The following BACE2 variants were observed in gnomAD, a reference collection of about 807,000 sequenced individuals.
BACE2 encodes the protein beta-secretase 2.
In BACE2, 17 loss-of-function variants were observed where a neutral mutation model predicts 46.2. The ratio of observed to expected loss-of-function variants is 0.37; its 90% CI spans 0.25 to 0.55. The LOEUF (loss-of-function observed/expected upper bound fraction) is 0.55, where lower values mean the gene tolerates loss of function less well. Ranked by LOEUF, BACE2 falls within the 20% of genes least tolerant of loss-of-function variation. The pLI, the probability that BACE2 is intolerant of heterozygous loss-of-function variation, is 0.82. For missense variants in BACE2, 595 were observed against 698.1 expected (o/e 0.85, Z 1.66); for synonymous variants, 277 against 295.9 (o/e 0.94, Z 0.66).
At chr21:41,220,829 G>A (rs990096725) in intron 1 of BACE2, among the ~76,000 whole-genome samples, 18 of 151,626 alleles carry the variant, frequency 1.2e-4, no homozygotes, top group African/African-American at 4.1e-4. Context: ...TTTGTAAATC[G>A]AAATTAAGAA....
chr21:41,241,135 C>T (rs984550125), intron 3 of BACE2, among the ~76,000 whole-genome samples: 10 of 152,284 alleles, frequency 6.6e-5, no homozygotes, highest in African/African-American at 2.4e-4. Flanking sequence ...TTCCCGCTTC[C>T]CTTTGAGTCT....
intron 5 of BACE2, among the ~76,000 whole-genome samples, chr21:41,245,005 A>G (rs1291174420): frequency 6.6e-6 from 1 of 152,038 alleles, no homozygotes; most frequent in Non-Finnish European, 1.5e-5. Context: ...AAGAACAAAC[A>G]ACAAATCCCA....
chr21:41,175,170 A>G (rs1336116327), intron 1 of BACE2: 1 of 152,206 alleles, frequency 6.6e-6, no homozygotes, highest in East Asian at 1.9e-4. Context: ...AACCACATAA[A>G]GGAAATGAAA....
In BACE2 at chr21:41,240,558, C is replaced by T. The variant is rs554469249; in HGVS notation, c.619-1261C>T. 2.6e-5 allele frequency among the ~76,000 whole-genome samples: 4 copies of T among 152,346 alleles called. No individual in the cohort carries two copies. The South Asian group carries it at 6.2e-4, about 24-fold the overall frequency. On this transcript the variant is annotated intron_variant, in intron 3 of 8. Coordinates refer to ENST00000330333, the MANE Select transcript of BACE2 (RefSeq NM_012105.5). ...GGGAAGGAAGCAAAGGAACAAGTCA[C>T]TCGGCTGGCAAGTGGCAGAGCCTGT... is the stretch of plus-strand genomic sequence containing the variant.
At chr21:41,234,927 A>G (rs1987072295) in intron 2 of BACE2, among the ~76,000 whole-genome samples, 1 of 152,172 alleles carries the variant, frequency 6.6e-6, no homozygotes, top group Non-Finnish European at 1.5e-5. Context: ...CACAGAAAAC[A>G]TTCACTGAAT....
chr21:41,268,038 A>G (rs2088397031), intron 8 of BACE2, among the ~76,000 whole-genome samples: 1 of 152,208 alleles, frequency 6.6e-6, no homozygotes, highest in African/African-American at 2.4e-5. Context: ...AAAATACACA[A>G]TTAAAATTGT....
chr21:41,199,135 C>A (rs1309160218), intron 1 of BACE2, among the ~76,000 whole-genome samples: 2 of 149,712 alleles, frequency 1.3e-5, no homozygotes, highest in African/African-American at 2.5e-5. Context: ...GGTTTTCTGT[C>A]CTTGCGACAG....
At chr21:41,200,230 G>A (rs1335269713) in intron 1 of BACE2, among the ~76,000 whole-genome samples, 1 of 151,736 alleles carries the variant, frequency 6.6e-6, no homozygotes, top group Non-Finnish European at 1.5e-5. Context: ...CCTCTTCTTG[G>A]GAGCTCTGGA....
chr21:41,174,774 C>G (rs778188856), intron 1 of BACE2, among the ~76,000 whole-genome samples: 4 of 152,174 alleles, frequency 2.6e-5, no homozygotes, highest in Non-Finnish European at 5.9e-5. Context: ...CTGTGAGCCT[C>G]TGCCTGTCCT....
chr21:41,263,213 C>A (rs1011426694), intron 8 of BACE2, among the ~76,000 whole-genome samples: 1 of 152,088 alleles, frequency 6.6e-6, no homozygotes, highest in African/African-American at 2.4e-5. Flanking sequence ...TAAACATATG[C>A]CTACTCTATA....
At chr21:41,254,007 C>G (rs1206715434) in intron 7 of BACE2, among the ~76,000 whole-genome samples, 2 of 152,172 alleles carry the variant, frequency 1.3e-5, no homozygotes, top group African/African-American at 2.4e-5. Flanking sequence ...AGCAGAAAGG[C>G]TCTGCCCAGC....
chr21:41,248,262 G>C (rs1987530939), intron 6 of BACE2, among the ~76,000 whole-genome samples: 1 of 152,224 alleles, frequency 6.6e-6, no homozygotes, highest in South Asian at 2.1e-4. Context: ...TGTGATCTGA[G>C]GGTCGAAACT....
In BACE2 at chr21:41,250,749, T is replaced by C. The variant is rs377326215; in HGVS notation, c.985-3T>C. ...GTTTCTGATGTGATCTTGTTTTGTC[T>C]AGATTCCAGAATTCTCTGATGGTTT... On this transcript the variant is annotated splice_region_variant and splice_polypyrimidine_tract_variant and intron_variant, in intron 6 of 8. Transcript: ENST00000330333. The C allele has an allele frequency of 1.9e-5, 31 of 1,614,006 alleles. No homozygotes were observed. The African/African-American group carries it at 3.9e-4, about 20-fold the overall frequency.
chr21:41,179,535 G>A (rs1238784473), intron 1 of BACE2: 2 of 1,359,974 alleles, frequency 1.5e-6, no homozygotes, highest in South Asian at 1.1e-5. Context: ...AGGGTGAGGA[G>A]TGAGGGTGTC....
At chr21:41,232,020 CTTTTTTT>C (rs34868132) in intron 2 of BACE2, among the ~76,000 whole-genome samples, 1 of 140,640 alleles carries the variant, frequency 7.1e-6, no homozygotes. Flanking sequence ...TGAGAATTAC[CTTTTTTT>C]TTTTTTTTTT....
intron 6 of BACE2, among the ~76,000 whole-genome samples, chr21:41,249,180 T>G (rs2065323): frequency 0.025 from 2,255 of 91,014 alleles, 110 homozygotes; most frequent in African/African-American, 0.05. Flanking sequence ...TTGGCCTCAG[T>G]GGACTCAGGA....
intron 4 of BACE2, 51 bp downstream of exon 4, chr21:41,241,998 G>GT (rs3215895): frequency 2.5e-6 from 4 of 1,605,006 alleles, no homozygotes; most frequent in Non-Finnish European, 3.4e-6. Flanking sequence ...TGGATGGGCT[G>GT]TTTTTTTCTG....
In BACE2 at chr21:41,205,209, G is replaced by A. The variant is rs190222915; in HGVS notation, c.313-21057G>A. ...CACATTCAGGTGAGTACTAGGATTT[G>A]TAGATTATCAGTCATTATCATTAAC... On this transcript the variant is annotated intron_variant, in intron 1 of 8. Coordinates refer to ENST00000330333, the MANE Select transcript of BACE2 (RefSeq NM_012105.5). Among the ~76,000 whole-genome samples, 207 of 152,340 alleles carry A rather than the reference G, an allele frequency of 1.4e-3. 1 individual carries two copies. The highest frequency in any genetic ancestry group is 6.8e-3 in the Middle Eastern group (2 of 294).
At position 41,247,628 on chromosome 21, in the gene BACE2, G is replaced by A. The variant is rs554791594; in HGVS notation, c.984+1565G>A. The stretch of plus-strand genomic sequence containing the variant: ...GTGAAAATCCAGCACGTCGTGGACC[G>A]GCCAGACCCCTGTGCCGTGAGAGGC... On this transcript the variant is annotated intron_variant, in intron 6 of 8. Transcript: ENST00000330333. 4.6e-5 allele frequency among the ~76,000 whole-genome samples: 7 copies of A among 152,368 alleles called. No individual in the cohort carries two copies. In the East Asian group the frequency reaches 9.6e-4, roughly 21 times the overall value.
Sources: gnomAD v4.1 joint callset for allele counts (sites outside exome capture counted in the v4.1 genomes callset) on GRCh38, gnomAD v4.1.1 for gene constraint, MANE v1.5 for transcripts, NCBI Gene and HGNC (gene_info 2026-07-23, HGNC 2026-07-21) for gene names.